The following PKIA variants were observed in gnomAD, a reference collection of about 807,000 sequenced individuals.
PKIA encodes the protein PKI-alpha.
PKIA carries 4 observed loss-of-function variants against 7.6 expected under a neutral mutation model. The observed-to-expected ratio is 0.52, with a 90% CI of 0.26 to 1.20. PKIA has a LOEUF of 1.20. Ranked by LOEUF, PKIA falls within the 50% of genes most tolerant of loss-of-function variation. The pLI is 0.13. For missense variants in PKIA, 73 were observed against 86.2 expected (o/e 0.85, Z 0.61); for synonymous variants, 21 against 30.7 (o/e 0.68, Z 1.04).
chr8:78,603,632 T>G lies in PKIA; in HGVS notation c.*1811T>G, dbSNP rs1808407868. 6.6e-6 allele frequency: 1 copy of G among 151,988 alleles called. No homozygotes were observed. Among genetic ancestry groups the G allele is most frequent in the Non-Finnish European group, 1.5e-5 (1 of 67,950 alleles). The allele number at this position is 151,988 out of a possible 1,614,324, so 9.4% of individuals were successfully genotyped here. ...TCAAACACATCACCTATTAATAGAC[T>G]TACAAGTGAGAAAAGAGGTTCCTAG... On this transcript the variant is annotated 3_prime_UTR_variant, in exon 4 of 4. Transcript: ENST00000396418.
At chr8:78,519,619 TATA>T (rs1339186845) in intron 1 of PKIA, among the ~76,000 whole-genome samples, 1 of 152,210 alleles carries the variant, frequency 6.6e-6, no homozygotes, top group East Asian at 1.9e-4. Context: ...GCCAGATTTC[TATA>T]ATATTTCACC....
intron 1 of PKIA, among the ~76,000 whole-genome samples, chr8:78,536,166 T>A (rs1014304311): frequency 6.6e-6 from 1 of 152,110 alleles, no homozygotes; most frequent in African/African-American, 2.4e-5. Context: ...ACCTGTATAT[T>A]TTTAGCTTCT....
chr8:78,595,506 C>T (rs1268847250), intron 2 of PKIA, among the ~76,000 whole-genome samples: 7 of 152,040 alleles, frequency 4.6e-5, no homozygotes, highest in South Asian at 2.1e-4. Flanking sequence ...TTGCATATTT[C>T]GAGGGTTTGT....
chr8:78,599,944 A>T (rs1270558200), intron 3 of PKIA, among the ~76,000 whole-genome samples: 7 of 150,224 alleles, frequency 4.7e-5, no homozygotes, highest in Non-Finnish European at 8.9e-5. Flanking sequence ...AATTATTATA[A>T]ATTATTGAAA....
rs117274667 is a variant in PKIA at position 78,583,812 on chromosome 8, C to T, written c.-28+10873C>T. ...TATGCCTAGTGTTCCATTATCGGAA[C>T]GGTAAGTTTGTGGGAGTCATTTATA... On this transcript the variant is annotated intron_variant, in intron 2 of 3. Coordinates refer to ENST00000396418, the MANE Select transcript of PKIA (RefSeq NM_006823.4). 7.3e-3 allele frequency among the ~76,000 whole-genome samples: 1,114 copies of T among 152,060 alleles called. 5 individuals are homozygous for T. Among genetic ancestry groups the T allele is most frequent in the Non-Finnish European group, 9.3e-3 (630 of 67,972 alleles).
chr8:78,568,141 T>A (rs1051501915), intron 1 of PKIA, among the ~76,000 whole-genome samples: 3 of 152,168 alleles, frequency 2.0e-5, no homozygotes, highest in Non-Finnish European at 2.9e-5. Context: ...TGTGTATGTA[T>A]ACTAACAATG....
chr8:78,557,848 C>T (rs767450761), intron 1 of PKIA, among the ~76,000 whole-genome samples: 1 of 108,148 alleles, frequency 9.2e-6, no homozygotes, highest in African/African-American at 3.7e-5. Context: ...GCTTGTCCTT[C>T]TCCGGGATGG....
At chr8:78,540,431 G>A (rs1806653619) in intron 1 of PKIA, among the ~76,000 whole-genome samples, 1 of 152,078 alleles carries the variant, frequency 6.6e-6, no homozygotes, top group African/African-American at 2.4e-5. Context: ...CAAGCATGCT[G>A]CTCCTAGTCA....
intron 1 of PKIA, among the ~76,000 whole-genome samples, chr8:78,543,790 G>A (rs1438544352): frequency 6.6e-6 from 1 of 152,120 alleles, no homozygotes; most frequent in African/African-American, 2.4e-5. Flanking sequence ...TTCTTTCATT[G>A]TTACTTTGTT....
chr8:78,549,170 T>G (rs1806913630), intron 1 of PKIA, among the ~76,000 whole-genome samples: 1 of 152,054 alleles, frequency 6.6e-6, no homozygotes, highest in Non-Finnish European at 1.5e-5. Flanking sequence ...TTTTAAAAAC[T>G]GTCCAAAGGA....
At chr8:78,600,270 G>A (rs1341409740) in intron 3 of PKIA, among the ~76,000 whole-genome samples, 3 of 151,850 alleles carry the variant, frequency 2.0e-5, no homozygotes, top group African/African-American at 4.8e-5. Context: ...CAAATTCAAC[G>A]TCACTAAGAA....
chr8:78,543,081 T>C (rs1806737180), intron 1 of PKIA, among the ~76,000 whole-genome samples: 2 of 152,310 alleles, frequency 1.3e-5, no homozygotes, highest in South Asian at 4.1e-4. Context: ...CAAATATACG[T>C]GTGCCCAAGA....
chr8:78,565,901 T>C (rs1015172486), intron 1 of PKIA, among the ~76,000 whole-genome samples: 2 of 151,986 alleles, frequency 1.3e-5, no homozygotes, highest in African/African-American at 4.8e-5. Context: ...TTAATTGACC[T>C]CATTACTCAA....
At chr8:78,560,027 G>A (rs1203359573) in intron 1 of PKIA, among the ~76,000 whole-genome samples, 1 of 152,032 alleles carries the variant, frequency 6.6e-6, no homozygotes, top group East Asian at 1.9e-4. Context: ...ATGCATATTT[G>A]ATATCATTTT....
At chr8:78,547,728 C>T (rs1158097605) in intron 1 of PKIA, among the ~76,000 whole-genome samples, 1 of 152,096 alleles carries the variant, frequency 6.6e-6, no homozygotes, top group African/African-American at 2.4e-5. Context: ...ATTTATATAA[C>T]CCTTTTCTAG....
chr8:78,573,468 G>A (rs1162084444), intron 2 of PKIA, among the ~76,000 whole-genome samples: 1 of 151,818 alleles, frequency 6.6e-6, no homozygotes, highest in Non-Finnish European at 1.5e-5. Flanking sequence ...TGTGAAAGGG[G>A]AGCTCTGTTT....
Position 78,602,005 on chromosome 8 carries a change from C to G in PKIA, c.*184C>G. On this transcript the variant is annotated 3_prime_UTR_variant, in exon 4 of 4. Transcript: ENST00000396418. ...GTGGCTGCAGGCAGACTTTTCCCTA[C>G]CTCTGTCATTAGCAATGGTTGAAAT... The G allele has an allele frequency of 1.7e-6, 1 of 582,432 alleles. No homozygotes were observed. The highest frequency in any genetic ancestry group is 2.9e-5 in the East Asian group (1 of 34,884). 36.1% of individuals were successfully genotyped at this position (582,432 alleles called of 1,614,324 possible).
intron 1 of PKIA, among the ~76,000 whole-genome samples, chr8:78,541,986 A>G (rs1806704959): frequency 6.6e-6 from 1 of 152,014 alleles, no homozygotes; most frequent in Non-Finnish European, 1.5e-5. Flanking sequence ...CCTGGACACC[A>G]TAGTAAGACC....
rs1554584766 is a variant in PKIA at position 78,602,713 on chromosome 8, A to ATATATATATATATATATATATATATATT, written c.*893_*894insATATATATATATATATATATATATATTT. On this transcript the variant is annotated 3_prime_UTR_variant, in exon 4 of 4. Transcript: ENST00000396418. ...CCACATAATATATATATATATATAT[A>ATATATATATATATATATATATATATATT]TTTTAATTTATGAGAATTTTGGACA... 55 of 147,922 alleles carry ATATATATATATATATATATATATATATT rather than the reference A, an allele frequency of 3.7e-4. 1 individual carries two copies. The highest frequency in any genetic ancestry group is 1.3e-3 in the African/African-American group (54 of 40,010). The allele number at this position is 147,922 out of a possible 1,614,324, so 9.2% of individuals were successfully genotyped here. A position where few individuals can be genotyped will look rare whatever the true frequency, so the allele number is the denominator to read the frequency against.
Sources: gnomAD v4.1 joint callset for allele counts (sites outside exome capture counted in the v4.1 genomes callset) on GRCh38, gnomAD v4.1.1 for gene constraint, MANE v1.5 for transcripts, NCBI Gene and HGNC (gene_info 2026-07-23, HGNC 2026-07-21) for gene names.